ELF1: variants seen among roughly 807,000 people sequenced by gnomAD.
The protein encoded by ELF1 is ETS-related transcription factor Elf-1.
Under a neutral mutation model 59.9 loss-of-function variants are expected in ELF1, and 24 were observed. That is an observed-to-expected ratio of 0.40 (90% CI 0.29 to 0.56). The LOEUF (loss-of-function observed/expected upper bound fraction) is 0.56. Among genes scored for constraint, ELF1 ranks in the 20% least tolerant of loss-of-function variants. The pLI, the probability that ELF1 is intolerant of heterozygous loss-of-function variation, is 0.44. For synonymous variants in ELF1, 248 were observed against 266.2 expected (o/e 0.93, Z 0.67); for missense variants, 627 against 742.2 (o/e 0.84, Z 1.80).
At chr13:41,035,243 TAG>T (rs1593405938) in intron 1 of ELF1, among the ~76,000 whole-genome samples, 1 of 152,236 alleles carries the variant, frequency 6.6e-6, no homozygotes, top group African/African-American at 2.4e-5. Flanking sequence ...CCTACTCTGC[TAG>T]AATACCTGGT....
At chr13:41,013,860 C>T (rs1356908450) in intron 1 of ELF1, among the ~76,000 whole-genome samples, 1 of 151,866 alleles carries the variant, frequency 6.6e-6, no homozygotes. Context: ...TGTTACACTT[C>T]ATTTTAATAG....
chr13:41,021,846 C>T (rs1029953109), upstream of ELF1, among the ~76,000 whole-genome samples: 1 of 152,094 alleles, frequency 6.6e-6, no homozygotes, highest in Non-Finnish European at 1.5e-5. Context: ...CATCAATACT[C>T]AATAGGGAAA....
upstream of ELF1, among the ~76,000 whole-genome samples, chr13:41,020,418 C>T (rs1421709763): frequency 2.6e-5 from 4 of 152,176 alleles, no homozygotes; most frequent in East Asian, 5.8e-4. Context: ...GCAAGGTTTT[C>T]TCCCTTTAGT....
At chr13:41,028,947 A>T (rs1202075353) in intron 1 of ELF1, among the ~76,000 whole-genome samples, 1 of 151,814 alleles carries the variant, frequency 6.6e-6, no homozygotes, top group Admixed American at 6.6e-5. Flanking sequence ...GTTTCACCAT[A>T]TTGGCCAGGC....
chr13:40,979,406 T>C (rs1336602239), intron 2 of ELF1, among the ~76,000 whole-genome samples: 1 of 152,182 alleles, frequency 6.6e-6, no homozygotes, highest in African/African-American at 2.4e-5. Flanking sequence ...GTTGAGTAAC[T>C]TGCCCAAAGT....
rs544642785 is a variant in ELF1 at position 40,956,113 on chromosome 13, G to A, written c.253+2723C>T. ...GAGAACGGGCCATGATGACAATGGC[G>A]GTTTTGTGGAATAGAAAGGGGGGAA... On this transcript the variant is annotated intron_variant, in intron 3 of 8. Coordinates refer to ENST00000239882, the MANE Select transcript of ELF1 (RefSeq NM_172373.4). 7.0e-3 allele frequency among the ~76,000 whole-genome samples: 1,051 copies of A among 149,552 alleles called. 10 individuals are homozygous for A. Among genetic ancestry groups the A allele is most frequent in the African/African-American group, 0.023 (949 of 41,096 alleles).
intron 1 of ELF1, among the ~76,000 whole-genome samples, chr13:41,053,943 A>C (rs1877192533): frequency 1.3e-5 from 2 of 152,218 alleles, no homozygotes; most frequent in Admixed American, 1.3e-4. Flanking sequence ...CCACAAAAAA[A>C]CGAGGCAAGA....
rs567447909 is a variant in ELF1, at chr13:40,999,150, A to T, written c.-228-16868T>A. On this transcript the variant is annotated intron_variant, in intron 1 of 8. Transcript: ENST00000239882. ...TTATTGAATTTCCCTTAGGCTCAGCACTGTGGAAAATATAAAGATAATGCA... is the reference window on the plus strand; with the variant it reads ...TTATTGAATTTCCCTTAGGCTCAGCTCTGTGGAAAATATAAAGATAATGCA... Among the ~76,000 whole-genome samples the T allele has an allele frequency of 3.9e-5, 6 of 152,354 alleles. No individual in the cohort carries two copies. In the South Asian group the frequency reaches 6.2e-4, roughly 16 times the overall value.
chr13:40,938,763 C>A (rs771094598), intron 8 of ELF1, among the ~76,000 whole-genome samples: 127 of 151,636 alleles, frequency 8.4e-4, no homozygotes, highest in Admixed American at 2.4e-3. Flanking sequence ...CTTCTCTCAA[C>A]CACAGGGAAA....
At chr13:40,946,362 A>G (rs1195009923) in intron 5 of ELF1, among the ~76,000 whole-genome samples, 1 of 152,172 alleles carries the variant, frequency 6.6e-6, no homozygotes, top group African/African-American at 2.4e-5. Context: ...TCATCACCCC[A>G]AAAGTACTTT....
At chr13:40,950,073 G>A in intron 4 of ELF1, 100 bp from the exon 5 acceptor site, 1 of 1,113,768 alleles carries the variant, frequency 9.0e-7, no homozygotes. Flanking sequence ...GAAGATTAAA[G>A]TAGAAATAAA....
intron 1 of ELF1, among the ~76,000 whole-genome samples, chr13:41,013,651 A>C (rs1319868034): frequency 3.9e-5 from 6 of 152,144 alleles, no homozygotes; most frequent in Admixed American, 3.9e-4. Context: ...ATACTTATAA[A>C]TATGAGGCAA....
At chr13:40,981,395 G>A (rs1873262304) in intron 2 of ELF1, among the ~76,000 whole-genome samples, 1 of 152,026 alleles carries the variant, frequency 6.6e-6, no homozygotes, top group Non-Finnish European at 1.5e-5. Flanking sequence ...CCTTTACTCA[G>A]TATCTCCTAG....
chr13:41,034,162 A>G (rs1876281111), intron 1 of ELF1, among the ~76,000 whole-genome samples: 1 of 152,224 alleles, frequency 6.6e-6, no homozygotes, highest in Admixed American at 6.5e-5. Flanking sequence ...TCTACAAAAT[A>G]CCTGACTGGT....
At chr13:40,955,717 G>A (rs1433426246) in intron 3 of ELF1, among the ~76,000 whole-genome samples, 1 of 131,780 alleles carries the variant, frequency 7.6e-6, no homozygotes, top group African/African-American at 2.8e-5. Flanking sequence ...CCATCCGGGA[G>A]GGAGGCGGGG....
chr13:41,061,165 C>G (rs17532371), exon 1 of ELF1: 9,530 of 194,140 alleles, frequency 0.049, 296 homozygotes, highest in Middle Eastern at 0.081. Context: ...GGTCAAAGTG[C>G]GTGCGGAGTA....
chr13:41,060,885 C>T (rs534314968), exon 1 of ELF1: 2 of 342,252 alleles, frequency 5.8e-6, no homozygotes, highest in African/African-American at 2.4e-5. Flanking sequence ...CTCTCGCCAC[C>T]GCCGCCTCTG....
chr13:40,965,093 G>A (rs1013581688), intron 2 of ELF1, among the ~76,000 whole-genome samples: 1 of 152,144 alleles, frequency 6.6e-6, no homozygotes. Context: ...CCCTCTGCCC[G>A]AAATAACTTG....
intron 5 of ELF1, among the ~76,000 whole-genome samples, chr13:40,945,953 C>T (rs574169990): frequency 7.9e-4 from 120 of 152,336 alleles, no homozygotes; most frequent in Middle Eastern, 3.4e-3. Context: ...AAGCGATTCT[C>T]GTGCCTCAGC....
Sources: gnomAD v4.1 joint callset for allele counts (sites outside exome capture counted in the v4.1 genomes callset) on GRCh38, gnomAD v4.1.1 for gene constraint, MANE v1.5 for transcripts, NCBI Gene and HGNC (gene_info 2026-07-23, HGNC 2026-07-21) for gene names.